The following FMN2 variants were observed in gnomAD, a reference collection of about 807,000 sequenced individuals.
The protein encoded by FMN2 is formin 2.
In FMN2, 51 loss-of-function variants were observed where a neutral mutation model predicts 142.3. The observed-to-expected ratio is 0.36, with a 90% CI of 0.29 to 0.45. The LOEUF is 0.45. FMN2 is among the 20% of genes least tolerant of loss of function. The pLI is 1.00. For missense variants in FMN2, 1,936 were observed against 2,122.8 expected (o/e 0.91, Z 1.73); for synonymous variants, 882 against 869.8 (o/e 1.01, Z -0.25).
intron 1 of FMN2, among the ~76,000 whole-genome samples, chr1:240,103,921 G>A (rs954466621): frequency 1.3e-5 from 2 of 151,630 alleles, no homozygotes; most frequent in African/African-American, 4.8e-5. Flanking sequence ...TCTATCCCCA[G>A]GCTGGAGTGC....
At chr1:240,330,860 T>C (rs1237747060) in intron 11 of FMN2, 111 bp downstream of exon 11, 17 of 1,288,372 alleles carry the variant, frequency 1.3e-5, no homozygotes, top group Non-Finnish European at 1.5e-5. Flanking sequence ...CTAGGTCAAA[T>C]GCTTCTTTAT....
At chr1:240,297,916 A>C (rs1375703595) in intron 8 of FMN2, among the ~76,000 whole-genome samples, 1 of 152,118 alleles carries the variant, frequency 6.6e-6, no homozygotes, top group East Asian at 1.9e-4. Flanking sequence ...TTCTTGCTGT[A>C]ACCTCACATG....
intron 8 of FMN2, among the ~76,000 whole-genome samples, chr1:240,303,386 G>A (rs1295410254): frequency 6.6e-6 from 1 of 152,152 alleles, no homozygotes; most frequent in Non-Finnish European, 1.5e-5. Flanking sequence ...TATCTGGAAT[G>A]TCATAATTTT....
chr1:240,153,385 G>GTTTTTTTTTT, intron 2 of FMN2, among the ~76,000 whole-genome samples: 1 of 124,324 alleles, frequency 8.0e-6, no homozygotes, highest in Non-Finnish European at 1.6e-5. Flanking sequence ...TGTATTTACA[G>GTTTTTTTTTT]TTTTTTTTTT....
At chr1:240,148,454 AAGAGAGAG>A (rs59759995) in intron 2 of FMN2, among the ~76,000 whole-genome samples, 1 of 150,688 alleles carries the variant, frequency 6.6e-6, no homozygotes, top group African/African-American at 2.4e-5. Flanking sequence ...GAGAGAGAGA[AAGAGAGAG>A]AGACAGGGAG....
At chr1:240,245,946 C>T (rs965965546) in intron 6 of FMN2, among the ~76,000 whole-genome samples, 9 of 151,126 alleles carry the variant, frequency 6.0e-5, no homozygotes, top group East Asian at 4.0e-4. Flanking sequence ...TTGGGGAGGC[C>T]GTGGCGGGCG....
chr1:240,247,175 AATCCAGTTTGTG>A (rs780217359), intron 6 of FMN2, among the ~76,000 whole-genome samples: 2 of 152,188 alleles, frequency 1.3e-5, no homozygotes, highest in Admixed American at 6.5e-5. Flanking sequence ...TTAAATGTAA[AATCCAGTTTGTG>A]ATCAAGTGTG....
chr1:240,360,509 C>T (rs1475038739), intron 14 of FMN2, among the ~76,000 whole-genome samples: 3 of 152,176 alleles, frequency 2.0e-5, no homozygotes, highest in Non-Finnish European at 4.4e-5. Flanking sequence ...GTACGTTTTC[C>T]TTCTGGGCTT....
At chr1:240,210,931 G>T (rs1666667018) in intron 5 of FMN2, among the ~76,000 whole-genome samples, 160 bp from the exon 6 acceptor site, 1 of 152,108 alleles carries the variant, frequency 6.6e-6, no homozygotes, top group South Asian at 2.1e-4. Context: ...ACAAATGGTG[G>T]TCTTAAAGAA....
chr1:240,189,982 A>G lies in FMN2; in HGVS notation c.1986+1720A>G, dbSNP rs566886084. Reference sequence around the variant, plus strand: ...GACGTATATGAATCAATTGTTACATACGATAATGTCAAAGAGAACCTGAAC... The same window carrying G: ...GACGTATATGAATCAATTGTTACATGCGATAATGTCAAAGAGAACCTGAAC... On this transcript the variant is annotated intron_variant, in intron 4 of 17. Transcript: ENST00000319653. Among the ~76,000 whole-genome samples the G allele has an allele frequency of 4.6e-5, 7 of 152,336 alleles. No individual in the cohort carries two copies. In the South Asian group the frequency reaches 1.4e-3, roughly 32 times the overall value.
chr1:240,467,253 C>T (rs1173313025), intron 16 of FMN2, among the ~76,000 whole-genome samples: 1 of 149,766 alleles, frequency 6.7e-6, no homozygotes, highest in Non-Finnish European at 1.5e-5. Context: ...GAACATGGGC[C>T]ATCAACTAAA....
In FMN2 at chr1:240,123,329, A is replaced by C. The variant is rs1341396589; in HGVS notation, c.1766A>C (p.Asn589Thr). 6.2e-7 allele frequency: 1 copy of C among 1,613,710 alleles called. No homozygotes were observed. Among genetic ancestry groups the C allele is most frequent in the Non-Finnish European group, 8.5e-7 (1 of 1,179,934 alleles). Reference sequence around the variant, plus strand: ...CCGTGTAATCAGAATGCCCAGACGAATGCAGCTTCGTTTGATGTAAGTAGG... The same window carrying C: ...CCGTGTAATCAGAATGCCCAGACGACTGCAGCTTCGTTTGATGTAAGTAGG... ...REPCNQNAQTNAASFDQDQLY... is the reference protein window; with the variant it reads ...REPCNQNAQTTAASFDQDQLY... The change falls in exon 2 of 18, where the codon AAT (asparagine) becomes ACT (threonine). Residue 589 changes from asparagine to threonine, a missense_variant. Coordinates refer to ENST00000319653, the MANE Select transcript of FMN2 (RefSeq NM_020066.5).
At chr1:240,359,163 C>T (rs954482526) in intron 14 of FMN2, among the ~76,000 whole-genome samples, 1 of 152,042 alleles carries the variant, frequency 6.6e-6, no homozygotes, top group Non-Finnish European at 1.5e-5. Flanking sequence ...AGAAGATAGC[C>T]AATTCCTTTG....
rs192587248 is a variant in FMN2 at position 240,451,139 on chromosome 1, G to A, written c.5060+12929G>A. 1.2e-4 allele frequency among the ~76,000 whole-genome samples: 18 copies of A among 152,158 alleles called. No homozygotes were observed. In the East Asian group the frequency reaches 3.1e-3, roughly 26 times the overall value. ...TCCTAGTGCTTTGGGAGGCCGAGGC[G>A]GGTGGATCACGAGGTCAAGAGTTTG... On this transcript the variant is annotated intron_variant, in intron 16 of 17. Coordinates refer to ENST00000319653, the MANE Select transcript of FMN2 (RefSeq NM_020066.5).
intron 16 of FMN2, among the ~76,000 whole-genome samples, chr1:240,441,551 A>G (rs74149109): frequency 7.0e-4 from 105 of 150,566 alleles, no homozygotes; most frequent in African/African-American, 2.4e-3. Flanking sequence ...CTAATCTTAT[A>G]CTGCCTAACA....
Position 240,092,899 on chromosome 1 carries a change from C to T in FMN2, c.790C>T (p.Pro264Ser). Residue 264 changes from proline to serine, a missense_variant, in exon 1 of 18, where the codon CCG becomes TCG. By Grantham distance (74) the Pro-to-Ser change is moderately conservative (BLOSUM62 -1). Around this residue, in one of 8 missense-constraint regions of FMN2, gnomAD observed 751 missense variants for 791.8 expected, o/e 0.95. Transcript: ENST00000319653. ...LGPSGGAGEA[P>S]GSPDTEQALS... ...GCCGAGCGGCGGGGCTGGGGAGGCC[C>T]CGGGCAGTCCGGACACCGAGCAGGC... 1 of 1,501,298 alleles carries T rather than the reference C, an allele frequency of 6.7e-7. No homozygotes were observed. Among genetic ancestry groups the T allele is most frequent in the South Asian group, 1.3e-5 (1 of 77,776 alleles). The allele number at this position is 1,501,298 out of a possible 1,614,324, so 93.0% of individuals were successfully genotyped here.
chr1:240,109,516 A>G (rs546397178), intron 1 of FMN2, among the ~76,000 whole-genome samples: 1 of 152,164 alleles, frequency 6.6e-6, no homozygotes, highest in Admixed American at 6.5e-5. Flanking sequence ...TCCCTGCTCT[A>G]TGTTGAACTC....
At chr1:240,371,955 G>C (rs1447593993) in intron 14 of FMN2, among the ~76,000 whole-genome samples, 1 of 152,192 alleles carries the variant, frequency 6.6e-6, no homozygotes, top group Non-Finnish European at 1.5e-5. Flanking sequence ...AGAAGGGTCA[G>C]CTGGGCATGG....
chr1:240,202,193 C>T lies in FMN2; in HGVS notation c.1987-4606C>T, dbSNP rs371183716. On this transcript the variant is annotated intron_variant, in intron 4 of 17. Transcript: ENST00000319653. ...AACGGGAAGGGGAGGATGGAGATTG[C>T]GAGAGCCAATCCAAGGTAACCAAAA... 5.9e-5 allele frequency among the ~76,000 whole-genome samples: 9 copies of T among 152,172 alleles called. No homozygotes were observed. In the East Asian group the frequency reaches 9.7e-4, roughly 16 times the overall value.
Sources: gnomAD v4.1 joint callset for allele counts (sites outside exome capture counted in the v4.1 genomes callset) on GRCh38, gnomAD v4.1.1 for gene constraint, gnomAD v4.1.1 regional missense constraint, MANE v1.5 for transcripts, NCBI Gene and HGNC (gene_info 2026-07-23, HGNC 2026-07-21) for gene names.